The following CMSS1 variants were observed in gnomAD, a reference collection of about 807,000 sequenced individuals.
CMSS1 encodes the protein protein CMSS1.
A neutral mutation model predicts 43.5 loss-of-function variants in CMSS1; 33 were observed. That is an observed-to-expected ratio of 0.76 (90% CI 0.57 to 1.01). The LOEUF is 1.01. Among genes scored for constraint, CMSS1 ranks in the 50% least tolerant of loss-of-function variants. The probability of loss-of-function intolerance (pLI) is 0.00; values close to 1 mark genes in which losing one functional copy is unlikely to be tolerated. For missense variants in CMSS1, 313 were observed against 326.4 expected (o/e 0.96, Z 0.32); for synonymous variants, 115 against 117.2 (o/e 0.98, Z 0.12).
At position 100,172,506 on chromosome 3, in the gene CMSS1, CTG is replaced by C. The variant is rs144958748; in HGVS notation, c.667+107_667+108del. ...TTCAGGATATACAAAAACCAGACCT[CTG>C]TGTTAATTCAGGAATTGGAAACTCA... On this transcript the variant is annotated intron_variant, in intron 8 of 9. Coordinates refer to ENST00000421999, the MANE Select transcript of CMSS1 (RefSeq NM_032359.4). The C allele has an allele frequency of 9.0e-4, 734 of 818,144 alleles. 8 individuals carry two copies. In the African/African-American group the frequency reaches 0.01, roughly 11 times the overall value. 50.7% of individuals were successfully genotyped at this position (818,144 alleles called of 1,614,324 possible).
chr3:100,031,470 A>G (rs1422638808), intron 1 of CMSS1, among the ~76,000 whole-genome samples: 1 of 152,082 alleles, frequency 6.6e-6, no homozygotes, highest in Non-Finnish European at 1.5e-5. Flanking sequence ...AAGTGAGTGA[A>G]GGATTCCTTT....
intron 1 of CMSS1, among the ~76,000 whole-genome samples, chr3:100,028,358 A>G (rs1202615014): frequency 6.6e-6 from 1 of 152,128 alleles, no homozygotes; most frequent in South Asian, 2.1e-4. Context: ...CTCTTCTTCC[A>G]GTACTGGATT....
At chr3:99,882,932 C>T (rs944380071) in intron 1 of CMSS1, among the ~76,000 whole-genome samples, 1 of 152,132 alleles carries the variant, frequency 6.6e-6, no homozygotes, top group Admixed American at 6.5e-5. Context: ...CATGTCAAAA[C>T]CCTAATGGAG....
At chr3:99,832,006 C>A (rs760166601) in intron 1 of CMSS1, among the ~76,000 whole-genome samples, 12 of 152,174 alleles carry the variant, frequency 7.9e-5, no homozygotes, top group Non-Finnish European at 1.5e-4. Context: ...TTCTTTTGAG[C>A]AACACTGATA....
At position 99,948,336 on chromosome 3, in the gene CMSS1, A is replaced by T. The variant is rs930504331; in HGVS notation, c.64+130293A>T. Among the ~76,000 whole-genome samples, 304 of 150,386 alleles carry T rather than the reference A, an allele frequency of 2.0e-3. 5 individuals are homozygous for T. Among genetic ancestry groups the T allele is most frequent in the East Asian group, 3.9e-4 (2 of 5,176 alleles). ...AGTGAGACTGTCTCTCCAAAAAAAT[A>T]AAAAAATTAAAAAATTTTTTAAAAA... On this transcript the variant is annotated intron_variant, in intron 1 of 9. Coordinates refer to ENST00000421999, the MANE Select transcript of CMSS1 (RefSeq NM_032359.4).
At chr3:100,115,557 TTCTCTCTCTCTCTCTCTGTCTCTCTC>T in intron 1 of CMSS1, among the ~76,000 whole-genome samples, 1 of 75,262 alleles carries the variant, frequency 1.3e-5, no homozygotes, top group African/African-American at 4.6e-5. Context: ...CTCTTTCTCT[TTCTCTCTCTCTCTCTCTGTCTCTCTC>T]TCTCTCTCTC....
chr3:99,988,603 T>G (rs2107123178), intron 1 of CMSS1, among the ~76,000 whole-genome samples: 1 of 152,262 alleles, frequency 6.6e-6, no homozygotes, highest in South Asian at 2.1e-4. Context: ...AAGAAAAACT[T>G]TGTTTTAAAG....
At chr3:100,126,189 G>A (rs376468835) in intron 1 of CMSS1, among the ~76,000 whole-genome samples, 1 of 152,092 alleles carries the variant, frequency 6.6e-6, no homozygotes, top group South Asian at 2.1e-4. Context: ...CTTTCGTAAT[G>A]GAATTTGCTA....
intron 1 of CMSS1, among the ~76,000 whole-genome samples, chr3:100,113,717 G>T (rs187136081): frequency 3.9e-5 from 6 of 152,216 alleles, no homozygotes; most frequent in Non-Finnish European, 7.4e-5. Flanking sequence ...AAGAAGGAAA[G>T]CCATTTATCC....
At chr3:100,111,728 A>C (rs2066494425) in intron 1 of CMSS1, among the ~76,000 whole-genome samples, 1 of 152,188 alleles carries the variant, frequency 6.6e-6, no homozygotes, top group South Asian at 2.1e-4. Flanking sequence ...TGTCTGACCC[A>C]ATTCTGAAGA....
chr3:99,956,349 T>A (rs1708318944), intron 1 of CMSS1, among the ~76,000 whole-genome samples: 1 of 152,124 alleles, frequency 6.6e-6, no homozygotes, highest in Admixed American at 6.5e-5. Context: ...GTCCCCTCCA[T>A]CTAAGCTTTG....
chr3:100,142,000 C>T (rs958433660), intron 1 of CMSS1, among the ~76,000 whole-genome samples: 2 of 152,166 alleles, frequency 1.3e-5, no homozygotes, highest in African/African-American at 4.8e-5. Flanking sequence ...AGCATCCTTA[C>T]TTCAGAAAAG....
At chr3:100,060,153 C>T (rs2065536614) in intron 1 of CMSS1, among the ~76,000 whole-genome samples, 1 of 151,944 alleles carries the variant, frequency 6.6e-6, no homozygotes, top group Non-Finnish European at 1.5e-5. Context: ...GGTGGGTGGG[C>T]TACGGTGCCA....
chr3:99,871,734 A>T (rs1408672606), intron 1 of CMSS1, among the ~76,000 whole-genome samples: 1 of 152,198 alleles, frequency 6.6e-6, no homozygotes, highest in African/African-American at 2.4e-5. Flanking sequence ...TCATTTGTCA[A>T]GTTAGTGGTT....
intron 1 of CMSS1, chr3:100,141,477 C>T (rs1048986190): frequency 1.1e-5 from 5 of 445,242 alleles, no homozygotes; most frequent in Non-Finnish European, 1.8e-5. Context: ...GCGGTCTTAA[C>T]GTACTCTTTT....
chr3:99,951,812 C>T (rs1427135776), intron 1 of CMSS1, among the ~76,000 whole-genome samples: 2 of 152,166 alleles, frequency 1.3e-5, no homozygotes, highest in South Asian at 2.1e-4. Flanking sequence ...CACAACTACT[C>T]AAACTCTATC....
chr3:100,007,968 CTG>C (rs1249511885), intron 1 of CMSS1, among the ~76,000 whole-genome samples: 1 of 152,142 alleles, frequency 6.6e-6, no homozygotes, highest in East Asian at 1.9e-4. Flanking sequence ...AATTTGGAAA[CTG>C]AGGGCTCCCT....
intron 1 of CMSS1, among the ~76,000 whole-genome samples, chr3:100,095,130 T>C (rs2066182324): frequency 6.6e-6 from 1 of 152,170 alleles, no homozygotes; most frequent in African/African-American, 2.4e-5. Context: ...ACAGTCTTGA[T>C]TACTATAGTT....
At chr3:99,999,071 A>G (rs1334078882) in intron 1 of CMSS1, among the ~76,000 whole-genome samples, 4 of 152,196 alleles carry the variant, frequency 2.6e-5, no homozygotes, top group African/African-American at 9.6e-5. Context: ...CTATGTACCT[A>G]TATCCGTCAT....
Sources: gnomAD v4.1 joint callset for allele counts (sites outside exome capture counted in the v4.1 genomes callset) on GRCh38, gnomAD v4.1.1 for gene constraint, MANE v1.5 for transcripts, NCBI Gene and HGNC (gene_info 2026-07-23, HGNC 2026-07-21) for gene names.